The following EGFR variants were observed in gnomAD, a reference collection of about 807,000 sequenced individuals.
EGFR encodes the protein epidermal growth factor receptor.
EGFR carries 58 observed loss-of-function variants against 143.0 expected under a neutral mutation model. The ratio of observed to expected loss-of-function variants is 0.41; its 90% CI spans 0.33 to 0.50. The LOEUF (loss-of-function observed/expected upper bound fraction) is 0.50. Among genes scored for constraint, EGFR ranks in the 20% least tolerant of loss-of-function variants. The pLI is 0.39. For synonymous variants in EGFR, 613 were observed against 594.4 expected (o/e 1.03, Z -0.45); for missense variants, 1,307 against 1,579.0 (o/e 0.83, Z 2.92).
At chr7:55,110,894 C>T (rs1323486945) in intron 1 of EGFR, among the ~76,000 whole-genome samples, 1 of 152,160 alleles carries the variant, frequency 6.6e-6, no homozygotes, top group African/African-American at 2.4e-5. Flanking sequence ...TTTCATTTTC[C>T]ATTGACACTA....
intron 1 of EGFR, among the ~76,000 whole-genome samples, chr7:55,130,625 A>G (rs1793776263): frequency 6.6e-6 from 1 of 152,222 alleles, no homozygotes; most frequent in Admixed American, 6.5e-5. Flanking sequence ...GGCTCATTTT[A>G]AAACAAGCGT....
In EGFR at chr7:55,160,117, A is replaced by T; in HGVS notation, c.1299-22A>T. The T allele has an allele frequency of 2.5e-6, 4 of 1,613,366 alleles. No individual in the cohort carries two copies. In the East Asian group the frequency reaches 8.9e-5, roughly 36 times the overall value. ...TGTTTTTATAATTTTTCACCACATG[A>T]TTTTTCTTCTCTCCAATGTAGTGGT... is the stretch of plus-strand genomic sequence containing the variant. On this transcript the variant is annotated intron_variant, in intron 11 of 27. Coordinates refer to ENST00000275493, the MANE Select transcript of EGFR (RefSeq NM_005228.5).
chr7:55,152,585 G>A lies in EGFR; in HGVS notation c.668G>A (p.Cys223Tyr), dbSNP rs2128933736. The A allele has an allele frequency of 6.2e-7, 1 of 1,613,866 alleles. No individual in the cohort carries two copies. The highest frequency in any genetic ancestry group is 8.5e-7 in the Non-Finnish European group (1 of 1,180,040). ...IICAQQCSGR[C>Y]RGKSPSDCCH... The stretch of plus-strand genomic sequence containing the variant: ...TGTGCCCAGCAGTGCTCCGGGCGCT[G>A]CCGTGGCAAGTCCCCCAGTGACTGC... Residue 223 changes from cysteine (C) to tyrosine (Y), a missense_variant, in exon 6 of 28, where the codon TGC becomes TAC. Physicochemically the swap from Cys to Tyr is radical, Grantham distance 194 (BLOSUM62 -2). Coordinates refer to ENST00000275493, the MANE Select transcript of EGFR (RefSeq NM_005228.5).
At chr7:55,088,164 T>A (rs1241505471) in intron 1 of EGFR, among the ~76,000 whole-genome samples, 1 of 152,066 alleles carries the variant, frequency 6.6e-6, no homozygotes, top group African/African-American at 2.4e-5. Flanking sequence ...AAGCCTGAGG[T>A]ACATGGAAAG....
At chr7:55,178,713 C>T (rs539857596) in intron 19 of EGFR, among the ~76,000 whole-genome samples, 1 of 152,152 alleles carries the variant, frequency 6.6e-6, no homozygotes, top group Non-Finnish European at 1.5e-5. Flanking sequence ...CTACTGAGTC[C>T]ACAGATATTA....
chr7:55,160,433 CT>C lies in EGFR; in HGVS notation c.1498+101del, dbSNP rs1785642401. 21 of 1,288,672 alleles carry C rather than the reference CT, an allele frequency of 1.6e-5. No homozygotes were observed. The South Asian group carries it at 1.8e-4, about 11-fold the overall frequency. 79.8% of individuals were successfully genotyped at this position (1,288,672 alleles called of 1,614,324 possible). Reference sequence around the variant, plus strand: ...TGAAGGGCTATTCCCATTTAAATTACTTTTTTCAGTTCCTTAAGAAGCAAAT... The same window carrying C: ...TGAAGGGCTATTCCCATTTAAATTACTTTTTCAGTTCCTTAAGAAGCAAAT... On this transcript the variant is annotated intron_variant, in intron 12 of 27. Coordinates refer to ENST00000275493, the MANE Select transcript of EGFR (RefSeq NM_005228.5).
chr7:55,092,381 G>A (rs900657337), intron 1 of EGFR, among the ~76,000 whole-genome samples: 1 of 152,124 alleles, frequency 6.6e-6, no homozygotes, highest in African/African-American at 2.4e-5. Flanking sequence ...TGCATCAGTG[G>A]TATTAGTCCC....
chr7:55,194,122 C>T (rs541508904), intron 22 of EGFR, among the ~76,000 whole-genome samples: 3 of 152,290 alleles, frequency 2.0e-5, no homozygotes, highest in South Asian at 2.1e-4. Flanking sequence ...TCAAGCAGCC[C>T]GCCCCTCCCA....
At chr7:55,063,204 G>T (rs559626142) in intron 1 of EGFR, among the ~76,000 whole-genome samples, 1 of 152,156 alleles carries the variant, frequency 6.6e-6, no homozygotes, top group Non-Finnish European at 1.5e-5. Context: ...AAGAACGACC[G>T]ACCTCATTAA....
chr7:55,151,199 C>T (rs1309926831), intron 4 of EGFR, 95 bp from the exon 5 acceptor site: 2 of 1,213,918 alleles, frequency 1.6e-6, no homozygotes, highest in Non-Finnish European at 2.4e-6. Context: ...AGATTGTCTT[C>T]ATTTATTGAA....
chr7:55,177,742 G>A (rs184097949), intron 19 of EGFR, among the ~76,000 whole-genome samples: 1 of 152,360 alleles, frequency 6.6e-6, no homozygotes, highest in African/African-American at 2.4e-5. Context: ...CCTGCGGTGG[G>A]ACTGGGCTAG....
intron 1 of EGFR, among the ~76,000 whole-genome samples, chr7:55,122,230 C>T (rs753539226): frequency 3.3e-5 from 5 of 152,190 alleles, no homozygotes; most frequent in African/African-American, 1.2e-4. Flanking sequence ...TCTAGTCCTC[C>T]GTCGACCTTG....
At chr7:55,061,612 ATG>A (rs1205967063) in intron 1 of EGFR, among the ~76,000 whole-genome samples, 1,263 of 126,282 alleles carry the variant, frequency 0.01, 13 homozygotes, top group African/African-American at 0.03. Flanking sequence ...GTCTCCAGGG[ATG>A]TGTGTGTGTG....
chr7:55,094,261 A>G (rs567836279), intron 1 of EGFR, among the ~76,000 whole-genome samples: 9 of 152,156 alleles, frequency 5.9e-5, no homozygotes, highest in Non-Finnish European at 1.2e-4. Flanking sequence ...CCTGGGAGAG[A>G]TAGCTCTTGG....
chr7:55,187,801 G>C (rs1787207695), intron 20 of EGFR, among the ~76,000 whole-genome samples: 1 of 152,188 alleles, frequency 6.6e-6, no homozygotes, highest in Admixed American at 6.5e-5. Context: ...ACCAGTTGCA[G>C]GTGGGTCTCT....
chr7:55,136,180 A>G (rs890345492), intron 1 of EGFR, among the ~76,000 whole-genome samples: 5 of 152,210 alleles, frequency 3.3e-5, no homozygotes, highest in African/African-American at 9.7e-5. Flanking sequence ...CAAACTCGCT[A>G]TATTTTCCTT....
intron 17 of EGFR, among the ~76,000 whole-genome samples, chr7:55,173,609 C>T (rs946191390): frequency 2.6e-5 from 4 of 152,252 alleles, no homozygotes; most frequent in African/African-American, 9.6e-5. Flanking sequence ...AAACGACCGC[C>T]ATGCACAACT....
intron 11 of EGFR, 90 bp from the exon 12 acceptor site, chr7:55,160,049 C>A: frequency 7.3e-7 from 1 of 1,368,492 alleles, no homozygotes; most frequent in Non-Finnish European, 1.0e-6. Context: ...AGTTTGTAGT[C>A]AATCAAAGGT....
chr7:55,029,523 A>G (rs957512925), intron 1 of EGFR, among the ~76,000 whole-genome samples: 2 of 152,202 alleles, frequency 1.3e-5, no homozygotes, highest in Admixed American at 6.5e-5. Context: ...ATAACTGGAA[A>G]TGAAACTTTG....
Sources: allele counts gnomAD v4.1 joint callset (sites outside exome capture counted in the v4.1 genomes callset), GRCh38; gene constraint gnomAD v4.1.1; transcripts MANE v1.5; gene names NCBI Gene and HGNC (gene_info 2026-07-23, HGNC 2026-07-21).